The following MANBAL variants were observed in gnomAD, a reference collection of about 807,000 sequenced individuals.
MANBAL encodes the protein protein MANBAL.
Under a neutral mutation model 6.4 loss-of-function variants are expected in MANBAL, and 1 was observed. The observed-to-expected ratio is 0.16, with a 90% CI of 0.06 to 0.74. The LOEUF (loss-of-function observed/expected upper bound fraction) is 0.74, where lower values mean the gene tolerates loss of function less well. Among genes scored for constraint, MANBAL ranks in the 30% least tolerant of loss-of-function variants. The pLI is 0.78. For synonymous variants in MANBAL, 47 were observed against 45.8 expected (o/e 1.03, Z -0.10); for missense variants, 100 against 107.8 (o/e 0.93, Z 0.32).
At chr20:37,291,774 A>G (rs2068876691) in intron 1 of MANBAL, among the ~76,000 whole-genome samples, 1 of 152,168 alleles carries the variant, frequency 6.6e-6, no homozygotes, top group South Asian at 2.1e-4. Context: ...TGATGGTTTT[A>G]TAAAGGGCAG....
rs994633485 is a variant in MANBAL at position 37,296,307 on chromosome 20, A to G, written c.-56-4901A>G. Among the ~76,000 whole-genome samples the G allele has an allele frequency of 1.5e-4, 23 of 152,302 alleles. No individual in the cohort carries two copies. In the Middle Eastern group the frequency reaches 0.01, roughly 68 times the overall value. ...TAGGTAGGGCATAGATTTTTCTTAG[A>G]TACTTTATTGTTTCATAACATTCCA... On this transcript the variant is annotated intron_variant, in intron 1 of 2. Transcript: ENST00000373606.
At chr20:37,315,140 C>T (rs570636321) in intron 2 of MANBAL, among the ~76,000 whole-genome samples, 1 of 152,318 alleles carries the variant, frequency 6.6e-6, no homozygotes, top group South Asian at 2.1e-4. Context: ...CCTCCTCAGC[C>T]CCTCACTGCC....
chr20:37,311,842 C>T (rs1053561613), intron 2 of MANBAL, among the ~76,000 whole-genome samples: 2 of 152,082 alleles, frequency 1.3e-5, no homozygotes, highest in Non-Finnish European at 2.9e-5. Context: ...TAAACTCTGA[C>T]GAGCATGGGG....
chr20:37,289,734 C>T (rs535530089), intron 1 of MANBAL, 48 bp downstream of exon 1: 1 of 152,464 alleles, frequency 6.6e-6, no homozygotes, highest in African/African-American at 2.4e-5. Flanking sequence ...AGAGAGCCGT[C>T]CTCGGTGCGG....
chr20:37,293,826 G>A (rs1299640606), intron 1 of MANBAL, among the ~76,000 whole-genome samples: 1 of 152,142 alleles, frequency 6.6e-6, no homozygotes, highest in Non-Finnish European at 1.5e-5. Context: ...GGCTCCACTC[G>A]TTTTCAAAGT....
chr20:37,307,054 G>A (rs150624131), intron 2 of MANBAL, among the ~76,000 whole-genome samples: 1 of 152,268 alleles, frequency 6.6e-6, no homozygotes, highest in East Asian at 1.9e-4. Context: ...GTCTCGACCT[G>A]GACTCAAGTG....
In MANBAL at chr20:37,301,370, G is replaced by T; in HGVS notation, c.107G>T (p.Cys36Phe). 1 of 1,613,816 alleles carries T rather than the reference G, an allele frequency of 6.2e-7. No individual in the cohort carries two copies. The highest frequency in any genetic ancestry group is 1.3e-5 in the African/African-American group (1 of 75,002). Residue 36 changes from cysteine to phenylalanine, a missense_variant, in exon 2 of 3, where the codon TGT (cysteine) becomes TTT (phenylalanine). Physicochemically the swap from Cys to Phe is radical, Grantham distance 205. Coordinates refer to ENST00000373606, the MANE Select transcript of MANBAL (RefSeq NM_001003897.2). ...CTGGGAGCCATCTTCCAGCTCATCT[G>T]TGTGCTGGCCATCATCGTACCCATT... The part of the protein sequence containing the change: ...LFLGAIFQLI[C>F]VLAIIVPIPK...
intron 1 of MANBAL, among the ~76,000 whole-genome samples, chr20:37,296,096 C>A (rs186643032): frequency 6.6e-6 from 1 of 152,162 alleles, no homozygotes; most frequent in Non-Finnish European, 1.5e-5. Flanking sequence ...CCACATGTGG[C>A]TTTTTATTGT....
chr20:37,317,022 C>T lies in MANBAL; in HGVS notation c.*607C>T, dbSNP rs2069537214. 1 of 151,156 alleles carries T rather than the reference C, an allele frequency of 6.6e-6. No homozygotes were observed. Among genetic ancestry groups the T allele is most frequent in the Non-Finnish European group, 1.5e-5 (1 of 68,074 alleles). 9.4% of individuals were successfully genotyped at this position (151,156 alleles called of 1,614,324 possible). ...TAGGCAGTGCCTGCTTCTGCTCCAT[C>T]AGGTGCAGGGGATTTGGCTGAAGGC... On this transcript the variant is annotated 3_prime_UTR_variant, in exon 3 of 3. Transcript: ENST00000373606.
At chr20:37,298,194 T>A (rs2069042845) in intron 1 of MANBAL, among the ~76,000 whole-genome samples, 1 of 152,010 alleles carries the variant, frequency 6.6e-6, no homozygotes, top group African/African-American at 2.4e-5. Flanking sequence ...TCTAAATAAA[T>A]AAATAAATAA....
intron 1 of MANBAL, among the ~76,000 whole-genome samples, chr20:37,291,198 A>G (rs757650770): frequency 6.6e-6 from 1 of 152,196 alleles, no homozygotes; most frequent in Non-Finnish European, 1.5e-5. Flanking sequence ...TTTTTGTTTT[A>G]GAATAATTTT....
rs558682849 is a variant in MANBAL at position 37,294,404 on chromosome 20, G to C, written c.-57+4718G>C. On this transcript the variant is annotated intron_variant, in intron 1 of 2. Coordinates refer to ENST00000373606, the MANE Select transcript of MANBAL (RefSeq NM_001003897.2). ...CTTTCAGTCTTGTCCCCTACAGTCT[G>C]TTGTCAACAAAGCAGCCAGAGGGAT... Among the ~76,000 whole-genome samples, 9 of 152,324 alleles carry C rather than the reference G, an allele frequency of 5.9e-5. No homozygotes were observed. In the South Asian group the frequency reaches 1.9e-3, roughly 32 times the overall value.
intron 2 of MANBAL, among the ~76,000 whole-genome samples, chr20:37,311,279 GCTGGCCAGTATCTC>G: frequency 6.6e-6 from 1 of 152,238 alleles, no homozygotes; most frequent in Non-Finnish European, 1.5e-5. Context: ...GGAGACACTG[GCTGGCCAGTATCTC>G]AGGGTGACAA....
At position 37,311,132 on chromosome 20, in the gene MANBAL, C is replaced by T. The variant is rs112279289; in HGVS notation, c.151-5176C>T. ...GCTCGTGGTGGCTGGCTCACCAGGG[C>T]GATGGAGAGGCTCGGTGAGCATCCA... On this transcript the variant is annotated intron_variant, in intron 2 of 2. Coordinates refer to ENST00000373606, the MANE Select transcript of MANBAL (RefSeq NM_001003897.2). Among the ~76,000 whole-genome samples the T allele has an allele frequency of 5.8e-3, 887 of 152,242 alleles. 9 individuals are homozygous for T. Among genetic ancestry groups the T allele is most frequent in the African/African-American group, 0.02 (833 of 41,520 alleles).
intron 2 of MANBAL, among the ~76,000 whole-genome samples, chr20:37,302,058 G>C (rs2069150290): frequency 6.6e-6 from 1 of 152,192 alleles, no homozygotes; most frequent in African/African-American, 2.4e-5. Flanking sequence ...GGTCAAATTG[G>C]CTTTTTTGTT....
intron 1 of MANBAL, among the ~76,000 whole-genome samples, chr20:37,292,286 G>T (rs2068889127): frequency 6.6e-6 from 1 of 152,168 alleles, no homozygotes; most frequent in Non-Finnish European, 1.5e-5. Flanking sequence ...TCATATATTT[G>T]TATCGGTGTG....
At chr20:37,311,202 G>A (rs562208557) in intron 2 of MANBAL, among the ~76,000 whole-genome samples, 12 of 152,318 alleles carry the variant, frequency 7.9e-5, no homozygotes, top group East Asian at 3.9e-4. Context: ...TTCATTCCCC[G>A]TGGCACAGTG....
chr20:37,305,030 G>T (rs2069225875), intron 2 of MANBAL, among the ~76,000 whole-genome samples: 2 of 152,158 alleles, frequency 1.3e-5, no homozygotes, highest in South Asian at 2.1e-4. Flanking sequence ...AGCCAGCAAG[G>T]GTGGGAAAAC....
intron 2 of MANBAL, among the ~76,000 whole-genome samples, chr20:37,306,147 C>T (rs1209078098): frequency 6.6e-6 from 1 of 152,022 alleles, no homozygotes; most frequent in African/African-American, 2.4e-5. Flanking sequence ...GGTGGGAGGA[C>T]CCAGAGAACA....
Sources: allele counts gnomAD v4.1 joint callset (sites outside exome capture counted in the v4.1 genomes callset), GRCh38; gene constraint gnomAD v4.1.1; transcripts MANE v1.5; gene names NCBI Gene and HGNC (gene_info 2026-07-23, HGNC 2026-07-21).